The following NAV2 variants were observed in gnomAD, a reference collection of about 807,000 sequenced individuals.
NAV2 encodes helicase, APC down-regulated 1.
A neutral mutation model predicts 223.2 loss-of-function variants in NAV2; 54 were observed. The observed-to-expected ratio is 0.24, with a 90% confidence interval of 0.19 to 0.30. The LOEUF (loss-of-function observed/expected upper bound fraction) is 0.30, where lower values mean the gene tolerates loss of function less well. Among genes scored for constraint, NAV2 ranks in the 10% least tolerant of loss-of-function variants. The pLI is 1.00. For missense variants in NAV2, 2,806 were observed against 3,147.5 expected (o/e 0.89, Z 2.60); for synonymous variants, 1,279 against 1,239.3 (o/e 1.03, Z -0.67).
intron 1 of NAV2, among the ~76,000 whole-genome samples, chr11:19,426,741 C>T (rs1222080063): frequency 6.6e-6 from 1 of 151,852 alleles, no homozygotes; most frequent in Non-Finnish European, 1.5e-5. Context: ...AATTTATTGA[C>T]TCCTCCCACA....
intron 1 of NAV2, among the ~76,000 whole-genome samples, chr11:19,758,146 G>A (rs61354146): frequency 0.033 from 4,950 of 152,220 alleles, 252 homozygotes; most frequent in African/African-American, 0.11. Context: ...TGTTCACTCC[G>A]TTTATTGAGC....
At chr11:19,868,691 C>T (rs1026069890) in intron 3 of NAV2, among the ~76,000 whole-genome samples, 9 of 152,268 alleles carry the variant, frequency 5.9e-5, no homozygotes, top group Admixed American at 1.3e-4. Context: ...CCCATTCCAC[C>T]CTGGTTATTT....
chr11:20,033,997 T>G (rs1395200536), intron 11 of NAV2, among the ~76,000 whole-genome samples: 6 of 152,200 alleles, frequency 3.9e-5, no homozygotes, highest in Non-Finnish European at 1.5e-5. Context: ...CTGAGCGGCC[T>G]TTAACCAGGC....
At chr11:19,536,811 G>A (rs566660354) in intron 1 of NAV2, among the ~76,000 whole-genome samples, 44 of 152,270 alleles carry the variant, frequency 2.9e-4, no homozygotes, top group Middle Eastern at 3.4e-3. Flanking sequence ...AAATGATAAT[G>A]GGGGCTGGGA....
chr11:19,506,736 C>T, intron 1 of NAV2: 1 of 152,142 alleles, frequency 6.6e-6, no homozygotes, highest in Admixed American at 6.5e-5. Flanking sequence ...CTTGGTAGCT[C>T]TGAAAGGAAG....
intron 1 of NAV2, chr11:19,777,887 C>G (rs1470944741): frequency 2.2e-6 from 1 of 455,828 alleles, no homozygotes; most frequent in East Asian, 7.0e-5. Flanking sequence ...GGTCCGCGTC[C>G]CCCGAGCCCC....
At chr11:19,651,630 AC>A (rs2047970390) in intron 1 of NAV2, among the ~76,000 whole-genome samples, 1 of 152,194 alleles carries the variant, frequency 6.6e-6, no homozygotes, top group Non-Finnish European at 1.5e-5. Flanking sequence ...AGCACATGAC[AC>A]CCACTTTGAA....
chr11:19,366,456 A>G (rs192001267), intron 1 of NAV2, among the ~76,000 whole-genome samples: 30 of 152,220 alleles, frequency 2.0e-4, no homozygotes, highest in South Asian at 1.4e-3. Flanking sequence ...TTGGGATGCT[A>G]GTTTGCAGAT....
At chr11:19,856,881 C>A (rs2061434621) in intron 3 of NAV2, among the ~76,000 whole-genome samples, 1 of 152,190 alleles carries the variant, frequency 6.6e-6, no homozygotes, top group East Asian at 1.9e-4. Flanking sequence ...CATTTAAGTA[C>A]ACACTATCGT....
chr11:19,814,160 C>A (rs538398217), intron 1 of NAV2, among the ~76,000 whole-genome samples: 7 of 152,244 alleles, frequency 4.6e-5, no homozygotes, highest in African/African-American at 1.7e-4. Flanking sequence ...AACCAAAGGC[C>A]AAGCTGAGGA....
chr11:19,861,877 T>C (rs2061815198), intron 3 of NAV2, among the ~76,000 whole-genome samples: 2 of 152,220 alleles, frequency 1.3e-5, no homozygotes, highest in African/African-American at 4.8e-5. Context: ...TAGTCACCAG[T>C]GGAATTTTTC....
At chr11:19,772,010 T>C (rs1009832902) in intron 1 of NAV2, among the ~76,000 whole-genome samples, 1 of 152,142 alleles carries the variant, frequency 6.6e-6, no homozygotes, top group African/African-American at 2.4e-5. Context: ...AGGCCTTCCT[T>C]GTCGCTGGCT....
Position 20,120,381 on chromosome 11 carries a change from T to C in NAV2, c.*2123T>C, listed in dbSNP as rs1010672084. The C allele has an allele frequency of 2.6e-5, 4 of 152,628 alleles. No homozygotes were observed. Among genetic ancestry groups the C allele is most frequent in the Non-Finnish European group, 5.9e-5 (4 of 68,042 alleles). 9.5% of individuals were successfully genotyped at this position (152,628 alleles called of 1,614,324 possible). ...GTTCTGTTTTTCTTTTTAATAAAACTTTTAAACCATATATTTAGCCTGTGA... is the reference window on the plus strand; with the variant it reads ...GTTCTGTTTTTCTTTTTAATAAAACCTTTAAACCATATATTTAGCCTGTGA... On this transcript the variant is annotated 3_prime_UTR_variant, in exon 38 of 38. Coordinates refer to ENST00000349880, the MANE Select transcript of NAV2 (RefSeq NM_145117.5).
chr11:19,446,893 C>T (rs555920523), intron 1 of NAV2, among the ~76,000 whole-genome samples: 1 of 152,276 alleles, frequency 6.6e-6, no homozygotes, highest in African/African-American at 2.4e-5. Context: ...GAAAGGGGAG[C>T]CAAGCGTCAG....
intron 19 of NAV2, among the ~76,000 whole-genome samples, chr11:20,056,255 G>A (rs1326521875): frequency 6.6e-6 from 1 of 152,242 alleles, no homozygotes; most frequent in Non-Finnish European, 1.5e-5. Context: ...TTGGGCCACA[G>A]CTTCTTGGCA....
Position 19,590,208 on chromosome 11 carries a change from G to C in NAV2, c.75+239181G>C, listed in dbSNP as rs148320851. ...TAATGCATGTAAAGCATTTATAACG[G>C]TTCCTGGCACACACTAAACACTCAA... On this transcript the variant is annotated intron_variant, in intron 1 of 37. Transcript: ENST00000360655. Among the ~76,000 whole-genome samples, 187 of 152,296 alleles carry C rather than the reference G, an allele frequency of 1.2e-3. 1 individual carries two copies. The South Asian group carries it at 0.015, about 12-fold the overall frequency.
intron 1 of NAV2, among the ~76,000 whole-genome samples, chr11:19,423,392 G>A (rs1850697176): frequency 6.6e-6 from 1 of 152,190 alleles, no homozygotes; most frequent in Non-Finnish European, 1.5e-5. Context: ...CCATGTGTGA[G>A]GTGCTGGGAG....
At chr11:19,932,236 C>CAAAAAAAAAAAAAAAAAAAAAAAAA (rs398015484) in intron 6 of NAV2, among the ~76,000 whole-genome samples, 2 of 78,986 alleles carry the variant, frequency 2.5e-5, no homozygotes, top group Non-Finnish European at 4.2e-5. Context: ...CACTCTTAAG[C>CAAAAAAAAAAAAAAAAAAAAAAAAA]AAAAAAAAAA....
At chr11:20,116,987 C>T (rs1038464771) in intron 37 of NAV2, among the ~76,000 whole-genome samples, 2 of 152,164 alleles carry the variant, frequency 1.3e-5, no homozygotes, top group African/African-American at 2.4e-5. Flanking sequence ...TACTTCAGCT[C>T]TGCCTCTTCC....
Sources: allele counts gnomAD v4.1 joint callset (sites outside exome capture counted in the v4.1 genomes callset), GRCh38; gene constraint gnomAD v4.1.1; transcripts MANE v1.5; gene names NCBI Gene and HGNC (gene_info 2026-07-23, HGNC 2026-07-21).